TRDN: variants seen among roughly 807,000 people sequenced by gnomAD.
TRDN encodes the protein triadin in skeletal muscle.
TRDN carries 161 observed loss-of-function variants against 149.7 expected under a neutral mutation model. The ratio of observed to expected loss-of-function variants is 1.08; its 90% CI spans 0.95 to 1.23. The LOEUF is 1.23. Ranked by LOEUF, TRDN falls within the 50% of genes most tolerant of loss-of-function variation. The pLI is 0.00. For missense variants in TRDN, 896 were observed against 823.5 expected, an observed-to-expected ratio of 1.09 and a Z score of -1.08; for synonymous variants, 294 against 250.5, an observed-to-expected ratio of 1.17 and a Z score of -1.64.
At chr6:123,418,520 C>T (rs1033589903) in intron 12 of TRDN, 2 of 152,108 alleles carry the variant, frequency 1.3e-5, no homozygotes, top group Admixed American at 6.5e-5. Context: ...CAAACACTGG[C>T]ACCCTAAAAG....
chr6:123,428,313 T>C (rs1004529428), intron 12 of TRDN, among the ~76,000 whole-genome samples: 6 of 152,182 alleles, frequency 3.9e-5, no homozygotes, highest in African/African-American at 1.4e-4. Context: ...AGTTTTTATT[T>C]GACCTTTCAG....
At chr6:123,298,787 G>T (rs1344472497) in intron 24 of TRDN, among the ~76,000 whole-genome samples, 1 of 152,004 alleles carries the variant, frequency 6.6e-6, no homozygotes, top group Admixed American at 6.6e-5. Context: ...TTACTCTGCA[G>T]CCCTTTACTG....
intron 9 of TRDN, among the ~76,000 whole-genome samples, chr6:123,487,488 A>T (rs1474364939): frequency 1.3e-5 from 2 of 151,972 alleles, no homozygotes; most frequent in African/African-American, 2.4e-5. Context: ...TTTTGGCCAT[A>T]TTCTACAATT....
intron 20 of TRDN, among the ~76,000 whole-genome samples, chr6:123,358,641 A>ATGTT (rs1554227900): frequency 1.3e-5 from 2 of 151,050 alleles, no homozygotes; most frequent in African/African-American, 4.9e-5. Context: ...ATTTTTTTGT[A>ATGTT]TTGTTTTGTT....
chr6:123,441,721 C>T (rs140024879), intron 10 of TRDN, among the ~76,000 whole-genome samples: 33 of 152,300 alleles, frequency 2.2e-4, no homozygotes, highest in African/African-American at 7.7e-4. Context: ...CAAAGCCAGA[C>T]AATACACAAT....
intron 1 of TRDN, among the ~76,000 whole-genome samples, chr6:123,585,447 G>T (rs12660602): frequency 2.0e-5 from 3 of 152,014 alleles, no homozygotes; most frequent in Non-Finnish European, 4.4e-5. Context: ...GAGTAGCCTT[G>T]GTATTGATTA....
chr6:123,506,571 C>T (rs1033306303), intron 7 of TRDN, among the ~76,000 whole-genome samples: 5 of 151,954 alleles, frequency 3.3e-5, no homozygotes, highest in Non-Finnish European at 5.9e-5. Flanking sequence ...TCACTGCAAC[C>T]TCTGCCTCCC....
chr6:123,347,677 A>G (rs564586769), intron 21 of TRDN, among the ~76,000 whole-genome samples: 2 of 152,032 alleles, frequency 1.3e-5, no homozygotes, highest in Non-Finnish European at 2.9e-5. Context: ...CTTGTTCTTC[A>G]GCATTGGGGG....
intron 9 of TRDN, among the ~76,000 whole-genome samples, chr6:123,467,609 A>C (rs915460311): frequency 6.6e-5 from 10 of 152,104 alleles, no homozygotes; most frequent in Admixed American, 2.6e-4. Context: ...CTGGCAGGGA[A>C]TTACTAACTC....
At chr6:123,492,996 C>T (rs1162897094) in intron 9 of TRDN, among the ~76,000 whole-genome samples, 2 of 152,094 alleles carry the variant, frequency 1.3e-5, no homozygotes, top group Non-Finnish European at 2.9e-5. Context: ...TAAAACACAT[C>T]CTGTATAACG....
chr6:123,553,073 C>T (rs145221666), intron 2 of TRDN, among the ~76,000 whole-genome samples: 35 of 152,168 alleles, frequency 2.3e-4, no homozygotes, highest in South Asian at 1.5e-3. Context: ...TCAAATGGTA[C>T]GATGCCTGCT....
intron 39 of TRDN, 79 bp from the exon 40 acceptor site, chr6:123,221,601 C>A: frequency 3.2e-6 from 3 of 931,364 alleles, no homozygotes; most frequent in South Asian, 1.7e-5. Flanking sequence ...CTGAGAATGT[C>A]TAAACAGAAG....
chr6:123,254,574 A>C (rs907715021), intron 37 of TRDN, among the ~76,000 whole-genome samples: 6 of 152,072 alleles, frequency 3.9e-5, no homozygotes, highest in Non-Finnish European at 1.5e-5. Context: ...TTACAGTTTT[A>C]TGATAATATC....
intron 12 of TRDN, among the ~76,000 whole-genome samples, chr6:123,436,552 T>A (rs373431696): frequency 2.0e-5 from 3 of 152,118 alleles, no homozygotes; most frequent in Non-Finnish European, 4.4e-5. Flanking sequence ...CTAATCATAA[T>A]CTTTATATAG....
chr6:123,370,200 C>T (rs1781270911), intron 19 of TRDN, among the ~76,000 whole-genome samples: 1 of 152,088 alleles, frequency 6.6e-6, no homozygotes, highest in Admixed American at 6.6e-5. Context: ...ACTAGCACTG[C>T]ACGCTTCTCT....
chr6:123,259,796 T>C, intron 34 of TRDN, 134 bp from the exon 35 acceptor site: 3 of 622,572 alleles, frequency 4.8e-6, no homozygotes, highest in Non-Finnish European at 7.9e-6. Flanking sequence ...ATTTCATTTT[T>C]GTTATGCTTG....
At chr6:123,441,210 T>C (rs1010194046) in intron 10 of TRDN, 3 of 152,180 alleles carry the variant, frequency 2.0e-5, no homozygotes, top group Non-Finnish European at 4.4e-5. Context: ...TATATCCTAC[T>C]TGGATATAAA....
intron 12 of TRDN, among the ~76,000 whole-genome samples, chr6:123,395,839 G>A (rs1417123963): frequency 1.3e-5 from 2 of 151,998 alleles, no homozygotes; most frequent in East Asian, 1.9e-4. Flanking sequence ...TATGAGGTTG[G>A]TGCAAATGCA....
chr6:123,589,428 G>T (rs1233788250), intron 1 of TRDN, among the ~76,000 whole-genome samples: 1 of 152,092 alleles, frequency 6.6e-6, no homozygotes, highest in Non-Finnish European at 1.5e-5. Flanking sequence ...CATTGTCATT[G>T]AATTGCAAAC....
Sources: allele counts gnomAD v4.1 joint callset (sites outside exome capture counted in the v4.1 genomes callset), GRCh38; gene constraint gnomAD v4.1.1; transcripts MANE v1.5; gene names NCBI Gene and HGNC (gene_info 2026-07-23, HGNC 2026-07-21).